NXPE2: variants seen among roughly 807,000 people sequenced by gnomAD.
NXPE2 encodes the protein neurexophilin and PC-esterase domain family member 2.
Under a neutral mutation model 34.4 loss-of-function variants are expected in NXPE2, and 34 were observed. The ratio of observed to expected loss-of-function variants is 0.99; its 90% CI spans 0.75 to 1.31. The LOEUF is 1.31. Among genes scored for constraint, NXPE2 ranks in the 40% most tolerant of loss-of-function variants. The pLI, the probability that NXPE2 is intolerant of heterozygous loss-of-function variation, is 0.00. For synonymous variants in NXPE2, 235 were observed against 231.3 expected, an observed-to-expected ratio of 1.02 and a Z score of -0.15; for missense variants, 649 against 672.5, an observed-to-expected ratio of 0.97 and a Z score of 0.39.
At position 114,678,576 on chromosome 11, in the gene NXPE2, ATGG is replaced by A. The variant is rs1327314856; in HGVS notation, c.5_7del (p.Val2?). On this transcript the variant is annotated start_lost and inframe_deletion, in exon 1 of 6. Transcript: ENST00000389586. ...ATAATTCCTGTGAGAACACGAGAAG[ATGG>A]TGGAGAAAATACTCATCCATAGGTG... is the stretch of plus-strand genomic sequence containing the variant. The A allele has an allele frequency of 3.9e-6, 6 of 1,548,378 alleles. No homozygotes were observed. The highest frequency in any genetic ancestry group is 5.2e-6 in the Non-Finnish European group (6 of 1,143,966).
At chr11:114,773,830 T>G in the NXPE2 span, among the ~76,000 whole-genome samples, 1 of 152,240 alleles carries the variant, frequency 6.6e-6, no homozygotes, top group Admixed American at 6.5e-5. Context: ...ACATCTCTTG[T>G]CTGCTCCTAT....
chr11:114,619,947 A>G, the NXPE2 span, among the ~76,000 whole-genome samples: 1 of 151,934 alleles, frequency 6.6e-6, no homozygotes, highest in Non-Finnish European at 1.5e-5. Flanking sequence ...CCCGGTGGAT[A>G]ATAAGTGTTG....
the NXPE2 span, among the ~76,000 whole-genome samples, chr11:114,628,211 A>T: frequency 2.1e-4 from 30 of 144,498 alleles, no homozygotes; most frequent in African/African-American, 7.5e-4. Context: ...AATCAACAGA[A>T]TATACATTTT....
At chr11:114,535,782 C>G in the NXPE2 span, among the ~76,000 whole-genome samples, 1 of 152,164 alleles carries the variant, frequency 6.6e-6, no homozygotes. Context: ...ATTCATAAAG[C>G]AAGTCCTTAG....
At chr11:114,779,816 G>GACTT in the NXPE2 span, among the ~76,000 whole-genome samples, 1 of 152,058 alleles carries the variant, frequency 6.6e-6, no homozygotes, top group African/African-American at 2.4e-5. Context: ...TGATTCCTCC[G>GACTT]ACTTACTTCC....
At chr11:114,545,691 CT>C in the NXPE2 span, among the ~76,000 whole-genome samples, 3,080 of 138,640 alleles carry the variant, frequency 0.022, 35 homozygotes, top group African/African-American at 0.045. Context: ...AAGAGTGGAT[CT>C]TTTTTTTTTT....
chr11:114,721,255 T>G, the NXPE2 span, among the ~76,000 whole-genome samples: 3 of 151,904 alleles, frequency 2.0e-5, no homozygotes, highest in Non-Finnish European at 4.4e-5. Flanking sequence ...TTTTTTTTTT[T>G]TTTGTAAATA....
the NXPE2 span, among the ~76,000 whole-genome samples, chr11:114,749,645 T>G: frequency 6.6e-6 from 1 of 152,202 alleles, no homozygotes; most frequent in East Asian, 1.9e-4. Context: ...TCTCTGACAA[T>G]GACAAAACTA....
chr11:114,789,993 A>C, the NXPE2 span, among the ~76,000 whole-genome samples: 2 of 152,150 alleles, frequency 1.3e-5, no homozygotes, highest in Admixed American at 1.3e-4. Context: ...AATTCCCTAC[A>C]ATGAACTCAA....
intron 2 of NXPE2, among the ~76,000 whole-genome samples, chr11:114,697,744 G>T (rs937402451): frequency 2.6e-5 from 4 of 152,182 alleles, no homozygotes; most frequent in African/African-American, 9.7e-5. Context: ...AGTCAAGTGA[G>T]GGGATAGCAA....
intron 2 of NXPE2, among the ~76,000 whole-genome samples, chr11:114,686,926 T>C (rs1411462626): frequency 6.6e-6 from 1 of 152,162 alleles, no homozygotes; most frequent in Non-Finnish European, 1.5e-5. Context: ...GAGAAGTATC[T>C]GTTAGTGTCC....
At chr11:114,581,344 C>A in the NXPE2 span, among the ~76,000 whole-genome samples, 1 of 152,088 alleles carries the variant, frequency 6.6e-6, no homozygotes, top group Admixed American at 6.6e-5. Context: ...AGGTTGGAAA[C>A]CTCTAGATGG....
At chr11:114,464,619 A>G in the NXPE2 span, among the ~76,000 whole-genome samples, 10 of 152,190 alleles carry the variant, frequency 6.6e-5, no homozygotes, top group African/African-American at 2.2e-4. Context: ...TTACAATAGC[A>G]TAGAAAAATA....
chr11:114,608,074 C>T, the NXPE2 span, among the ~76,000 whole-genome samples: 1 of 150,616 alleles, frequency 6.6e-6, no homozygotes, highest in African/African-American at 2.4e-5. Flanking sequence ...CCACTGTTAC[C>T]CTGTGTCTAA....
the NXPE2 span, among the ~76,000 whole-genome samples, chr11:114,489,964 G>A: frequency 2.3e-3 from 353 of 152,246 alleles, no homozygotes; most frequent in African/African-American, 6.9e-3. Context: ...AAACCCCGTC[G>A]TCTCAGCCCA....
Position 114,706,850 on chromosome 11 carries a change from G to A in NXPE2, c.1600G>A (p.Ala534Thr). ...TATTGATGCCTGGGACATGACGATT[G>A]CATATTGCACCAACAATGCCCATCC... ...GIIDAWDMTI[A>T]YCTNNAHPPD... The change falls in exon 6 of 6, where the codon GCA (alanine) becomes ACA (threonine). Residue 534 changes from alanine to threonine, a missense_variant. Transcript: ENST00000389586. 1 of 1,551,986 alleles carries A rather than the reference G, an allele frequency of 6.4e-7. No homozygotes were observed.
chr11:114,557,196 CT>C, the NXPE2 span, among the ~76,000 whole-genome samples: 1 of 152,084 alleles, frequency 6.6e-6, no homozygotes, highest in Non-Finnish European at 1.5e-5. Context: ...GCCCGGCCCC[CT>C]TTTTGACCTC....
At chr11:114,769,727 A>G in the NXPE2 span, among the ~76,000 whole-genome samples, 307 of 152,288 alleles carry the variant, frequency 2.0e-3, 1 homozygote, top group African/African-American at 7.1e-3. Flanking sequence ...AAATCCAAAC[A>G]CTGCATGTTC....
chr11:114,578,443 G>T, the NXPE2 span, among the ~76,000 whole-genome samples: 1 of 152,132 alleles, frequency 6.6e-6, no homozygotes, highest in African/African-American at 2.4e-5. Context: ...TGATGCTAAA[G>T]GCTGTTACTA....
Sources: allele counts gnomAD v4.1 joint callset (sites outside exome capture counted in the v4.1 genomes callset), GRCh38; gene constraint gnomAD v4.1.1; transcripts MANE v1.5; gene names NCBI Gene and HGNC (gene_info 2026-07-23, HGNC 2026-07-21).